The following ACVR1B variants were observed in gnomAD, a reference collection of about 807,000 sequenced individuals.
ACVR1B encodes the protein activin receptor type-1B.
Under a neutral mutation model 55.6 loss-of-function variants are expected in ACVR1B, and 15 were observed. The ratio of observed to expected loss-of-function variants is 0.27; its 90% CI spans 0.18 to 0.42. ACVR1B has a LOEUF of 0.42. ACVR1B is among the 10% of genes least tolerant of loss of function. The pLI, the probability that ACVR1B is intolerant of heterozygous loss-of-function variation, is 1.00. For synonymous variants in ACVR1B, 247 were observed against 254.6 expected (o/e 0.97, Z 0.28); for missense variants, 359 against 670.1 (o/e 0.54, Z 5.13).
intron 1 of ACVR1B, among the ~76,000 whole-genome samples, chr12:51,971,738 A>G (rs1300096084): frequency 6.6e-6 from 1 of 152,242 alleles, no homozygotes; most frequent in African/African-American, 2.4e-5. Context: ...AAAGATGTTT[A>G]GGAAAAGGCA....
chr12:51,982,836 C>T (rs958434031), intron 4 of ACVR1B: 19 of 1,471,438 alleles, frequency 1.3e-5, no homozygotes, highest in Non-Finnish European at 1.7e-5. Flanking sequence ...AAAACTATCA[C>T]CTTTTGATAA....
At chr12:51,966,998 T>G (rs1295170589) in intron 1 of ACVR1B, among the ~76,000 whole-genome samples, 1 of 152,086 alleles carries the variant, frequency 6.6e-6, no homozygotes, top group Non-Finnish European at 1.5e-5. Context: ...CCCAGCACTT[T>G]GGGAGGCCGA....
chr12:51,965,092 A>C (rs1295961539), intron 1 of ACVR1B, among the ~76,000 whole-genome samples: 1 of 152,112 alleles, frequency 6.6e-6, no homozygotes, highest in Non-Finnish European at 1.5e-5. Context: ...CTCTATGTGT[A>C]ATTTATGTTG....
At chr12:51,986,606 A>G (rs1565621446) in intron 6 of ACVR1B, among the ~76,000 whole-genome samples, 1 of 152,256 alleles carries the variant, frequency 6.6e-6, no homozygotes. Flanking sequence ...ACATCAGAGT[A>G]GCCTGGTATT....
chr12:51,952,688 C>T (rs1430526061), intron 1 of ACVR1B, among the ~76,000 whole-genome samples: 1 of 152,142 alleles, frequency 6.6e-6, no homozygotes, highest in African/African-American at 2.4e-5. Flanking sequence ...TTGTGGATGC[C>T]TTTCAGGTGA....
intron 1 of ACVR1B, chr12:51,953,555 G>A (rs1421957549): frequency 2.1e-6 from 2 of 959,890 alleles, no homozygotes; most frequent in Non-Finnish European, 2.5e-6. Flanking sequence ...TAAGGGCCAT[G>A]TTTTTGGAAT....
At chr12:51,953,967 A>G (rs1941361056) in intron 1 of ACVR1B, among the ~76,000 whole-genome samples, 1 of 152,226 alleles carries the variant, frequency 6.6e-6, no homozygotes, top group African/African-American at 2.4e-5. Flanking sequence ...TCTTGGCCAG[A>G]CACTACAGTT....
chr12:51,978,829 CAAAA>C (rs34088542), intron 3 of ACVR1B, among the ~76,000 whole-genome samples: 2 of 48,276 alleles, frequency 4.1e-5, no homozygotes, highest in Non-Finnish European at 4.7e-5. Context: ...GACTCCGTCT[CAAAA>C]AAAAAAAAAA....
intron 6 of ACVR1B, among the ~76,000 whole-genome samples, chr12:51,986,026 T>G (rs1227526162): frequency 6.6e-6 from 1 of 152,084 alleles, no homozygotes; most frequent in Admixed American, 6.6e-5. Context: ...TCAGAGTCAT[T>G]AAGGGTGCCG....
At chr12:51,961,825 T>C (rs986584954) in intron 1 of ACVR1B, among the ~76,000 whole-genome samples, 6 of 152,322 alleles carry the variant, frequency 3.9e-5, no homozygotes, top group African/African-American at 1.4e-4. Context: ...AAATGCAATT[T>C]CCTGATTGTC....
At chr12:51,959,506 G>A (rs898902650) in intron 1 of ACVR1B, among the ~76,000 whole-genome samples, 9 of 152,204 alleles carry the variant, frequency 5.9e-5, no homozygotes, top group African/African-American at 9.7e-5. Flanking sequence ...CTTGGAGGAG[G>A]ACCCAATCCT....
chr12:51,985,437 T>C (rs1942057538), intron 6 of ACVR1B, 89 bp downstream of exon 6: 1 of 1,467,626 alleles, frequency 6.8e-7, no homozygotes. Flanking sequence ...GAGAAGGAGG[T>C]GTTGAAAAAG....
At chr12:51,993,765 TAAAAAAAAAAAAAAAAA>T (rs869161100) in intron 8 of ACVR1B, among the ~76,000 whole-genome samples, 56 of 29,770 alleles carry the variant, frequency 1.9e-3, no homozygotes, top group Middle Eastern at 0.023. Context: ...AGACTCCTTC[TAAAAAAAAAAAAAAAAA>T]AAAAAAAAAA....
At chr12:51,967,587 T>C (rs920048501) in intron 1 of ACVR1B, among the ~76,000 whole-genome samples, 1 of 152,004 alleles carries the variant, frequency 6.6e-6, no homozygotes, top group Non-Finnish European at 1.5e-5. Context: ...AACAAAAATA[T>C]TAAAGGTTGG....
At chr12:51,990,693 T>A (rs1177333507) in intron 7 of ACVR1B, among the ~76,000 whole-genome samples, 1 of 152,184 alleles carries the variant, frequency 6.6e-6, no homozygotes, top group African/African-American at 2.4e-5. Flanking sequence ...TTTGTTCAAA[T>A]CGGGGTTCCA....
intron 1 of ACVR1B, among the ~76,000 whole-genome samples, chr12:51,955,968 A>G (rs1941400887): frequency 1.3e-5 from 2 of 152,234 alleles, no homozygotes; most frequent in South Asian, 4.1e-4. Flanking sequence ...ATGCAGGTTT[A>G]ACTTGAGCTT....
intron 1 of ACVR1B, among the ~76,000 whole-genome samples, chr12:51,972,736 G>A (rs1941770192): frequency 6.6e-6 from 1 of 152,084 alleles, no homozygotes; most frequent in African/African-American, 2.4e-5. Flanking sequence ...CCTTTTCAGG[G>A]GTATGGGCAG....
At chr12:51,965,528 A>G (rs970279261) in intron 1 of ACVR1B, among the ~76,000 whole-genome samples, 36 of 152,216 alleles carry the variant, frequency 2.4e-4, no homozygotes, top group African/African-American at 8.4e-4. Flanking sequence ...GAGGACAACC[A>G]GTAGGTTGGA....
chr12:51,995,646 C>T lies in ACVR1B; in HGVS notation c.*1536C>T, dbSNP rs1294721704. 6.6e-6 allele frequency: 1 copy of T among 151,964 alleles called. No homozygotes were observed. The allele number at this position is 151,964 out of a possible 1,614,324, so 9.4% of individuals were successfully genotyped here. On this transcript the variant is annotated 3_prime_UTR_variant, in exon 9 of 9. Coordinates refer to ENST00000257963, the MANE Select transcript of ACVR1B (RefSeq NM_004302.5). ...TAAGTTTTTGTAAAAGGAAAACCAT[C>T]TCTGTGATTACCTCTCAATCTATTT...
Sources: gnomAD v4.1 joint callset for allele counts (sites outside exome capture counted in the v4.1 genomes callset) on GRCh38, gnomAD v4.1.1 for gene constraint, MANE v1.5 for transcripts, NCBI Gene and HGNC (gene_info 2026-07-23, HGNC 2026-07-21) for gene names.